Variants in NCAM1 observed in about 807,000 individuals in gnomAD.
NCAM1 encodes neural cell adhesion molecule 1.
NCAM1 carries 14 observed loss-of-function variants against 109.8 expected under a neutral mutation model. The observed-to-expected ratio is 0.13, with a 90% CI of 0.08 to 0.20. NCAM1 has a LOEUF of 0.20. Among genes scored for constraint, NCAM1 ranks in the 10% least tolerant of loss-of-function variants. NCAM1 has a pLI of 1.00. For synonymous variants in NCAM1, 418 were observed against 442.9 expected (o/e 0.94, Z 0.70); for missense variants, 774 against 1,109.9 (o/e 0.70, Z 4.30).
intron 16 of NCAM1, among the ~76,000 whole-genome samples, chr11:113,256,384 T>G (rs571321734): frequency 5.3e-5 from 8 of 152,336 alleles, no homozygotes; most frequent in African/African-American, 1.7e-4. Flanking sequence ...CACCTGCACC[T>G]CACTGTGATC....
At chr11:113,001,890 T>C (rs1951762268) in intron 1 of NCAM1, among the ~76,000 whole-genome samples, 1 of 152,168 alleles carries the variant, frequency 6.6e-6, no homozygotes, top group South Asian at 2.1e-4. Context: ...CAGTCTTTCT[T>C]TCCATCTTTT....
intron 1 of NCAM1, among the ~76,000 whole-genome samples, chr11:112,975,526 A>T (rs10750017): frequency 0.3 from 46,005 of 151,880 alleles, 7,996 homozygotes; most frequent in East Asian, 0.67. Flanking sequence ...GATAAATAAG[A>T]GTTATTTGTT....
At position 113,140,756 on chromosome 11, in the gene NCAM1, G is replaced by A. The variant is rs146429450; in HGVS notation, c.53-61623G>A. 7.2e-4 allele frequency among the ~76,000 whole-genome samples: 109 copies of A among 152,146 alleles called. No individual in the cohort carries two copies. The East Asian group carries it at 0.014, about 19-fold the overall frequency. On this transcript the variant is annotated intron_variant, in intron 1 of 19. Coordinates refer to ENST00000316851, the MANE Select transcript of NCAM1 (RefSeq NM_181351.5). ...TACTTCATTTGTAAGTAACTTTTGC[G>A]TGTTCTCCTTCCATATATGTGTATT...
At chr11:113,245,286 A>G (rs1009442285) in intron 14 of NCAM1, among the ~76,000 whole-genome samples, 1 of 152,168 alleles carries the variant, frequency 6.6e-6, no homozygotes, top group Non-Finnish European at 1.5e-5. Flanking sequence ...TACAAAAAAT[A>G]GAAAAATTAG....
chr11:113,192,171 C>T lies in NCAM1; in HGVS notation c.53-10208C>T, dbSNP rs549107880. Among the ~76,000 whole-genome samples, 10 of 152,302 alleles carry T rather than the reference C, an allele frequency of 6.6e-5. No homozygotes were observed. The East Asian group carries it at 1.9e-3, about 29-fold the overall frequency. On this transcript the variant is annotated intron_variant, in intron 1 of 19. Coordinates refer to ENST00000316851, the MANE Select transcript of NCAM1 (RefSeq NM_181351.5). ...AAAGAACATCGACGAGTCATTTTGT[C>T]AAGGTTTCAGGAGAGCAGACCAAAG...
intron 1 of NCAM1, among the ~76,000 whole-genome samples, chr11:113,023,823 G>C (rs888393704): frequency 3.0e-4 from 45 of 151,998 alleles, no homozygotes; most frequent in African/African-American, 1.0e-3. Context: ...AACCTGAAAA[G>C]GACTCTAGCA....
chr11:113,268,508 A>AC (rs1555124725), intron 17 of NCAM1, among the ~76,000 whole-genome samples: 1 of 152,170 alleles, frequency 6.6e-6, no homozygotes, highest in Non-Finnish European at 1.5e-5. Context: ...TACGAGCTGC[A>AC]CCCAGGGGTC....
chr11:113,137,295 G>C (rs2136169522), intron 1 of NCAM1, among the ~76,000 whole-genome samples: 1 of 152,340 alleles, frequency 6.6e-6, no homozygotes, highest in Admixed American at 6.5e-5. Flanking sequence ...CCAGCTGTTT[G>C]CTGACCATTA....
rs943368243 is a variant in NCAM1, at chr11:112,962,403, G to A, written c.52+739G>A. Among the ~76,000 whole-genome samples the A allele has an allele frequency of 6.6e-6, 1 of 151,992 alleles. No homozygotes were observed. Among genetic ancestry groups the A allele is most frequent in the Non-Finnish European group, 1.5e-5 (1 of 67,976 alleles). On this transcript the variant is annotated intron_variant, in intron 1 of 19. Coordinates refer to ENST00000316851, the MANE Select transcript of NCAM1 (RefSeq NM_181351.5). The surrounding 1 kb of genome is among the most constrained non-coding windows in gnomAD (Gnocchi z 5.6). ...TTGACAGGAGGAAGTGCGGAGGGGC[G>A]GAGGGCGAGGAGGGCGTGATTGGGG... is the stretch of plus-strand genomic sequence containing the variant.
intron 1 of NCAM1, among the ~76,000 whole-genome samples, chr11:113,047,295 A>G (rs944396406): frequency 4.6e-5 from 7 of 152,216 alleles, no homozygotes; most frequent in Admixed American, 4.6e-4. Context: ...TAAAATCATG[A>G]TGAAAAGTAA....
chr11:112,981,551 C>CTGAA (rs1555068770), intron 1 of NCAM1, among the ~76,000 whole-genome samples: 1 of 151,816 alleles, frequency 6.6e-6, no homozygotes, highest in East Asian at 1.9e-4. Flanking sequence ...CCATAGAATA[C>CTGAA]TGAATATCTT....
At chr11:113,220,215 G>A (rs1225084546) in intron 8 of NCAM1, among the ~76,000 whole-genome samples, 1 of 152,146 alleles carries the variant, frequency 6.6e-6, no homozygotes, top group African/African-American at 2.4e-5. Flanking sequence ...AGATGTGGGT[G>A]GAAAATCCCT....
chr11:113,055,925 G>A (rs1190520032), intron 1 of NCAM1, among the ~76,000 whole-genome samples: 1 of 138,396 alleles, frequency 7.2e-6, no homozygotes, highest in Non-Finnish European at 1.5e-5. Context: ...CAATAGTCAA[G>A]ATATGGAATG....
rs367804561 is a variant in NCAM1, at chr11:113,220,722, C to G, written c.1060-574C>G. Among the ~76,000 whole-genome samples the G allele has an allele frequency of 9.3e-5, 14 of 150,502 alleles. No homozygotes were observed. The East Asian group carries it at 2.8e-3, about 30-fold the overall frequency. On this transcript the variant is annotated intron_variant, in intron 8 of 19. Transcript: ENST00000316851. ...TCCGGGTTCACGCCATTCTCCTGCC[C>G]CAGCCTCCCGAATAGCTGGGACTAC...
In NCAM1 at chr11:112,961,548, C is replaced by T; in HGVS notation, c.-65C>T. ...CTGTCGCTCAGCCGCCGTCCACACT[C>T]GCTGCAGGGGGGGGGGCACAGAATT... is the stretch of plus-strand genomic sequence containing the variant. On this transcript the variant is annotated 5_prime_UTR_variant, in exon 1 of 20. Transcript: ENST00000316851. 3 of 1,047,898 alleles carry T rather than the reference C, an allele frequency of 2.9e-6. No individual in the cohort carries two copies. Among genetic ancestry groups the T allele is most frequent in the Non-Finnish European group, 4.5e-6 (3 of 667,756 alleles). The allele number at this position is 1,047,898 out of a possible 1,614,324, so 64.9% of individuals were successfully genotyped here.
intron 1 of NCAM1, among the ~76,000 whole-genome samples, chr11:113,042,267 T>C (rs1026694259): frequency 1.3e-5 from 2 of 152,132 alleles, no homozygotes; most frequent in African/African-American, 4.8e-5. Flanking sequence ...CACCTCCTTT[T>C]CCTTCCACTC....
intron 9 of NCAM1, among the ~76,000 whole-genome samples, chr11:113,226,524 G>A (rs1353805289): frequency 6.6e-6 from 1 of 152,164 alleles, no homozygotes; most frequent in South Asian, 2.1e-4. Flanking sequence ...AGATCCACAA[G>A]ACAGAAAGTT....
At chr11:113,005,701 ATT>A (rs1326620159) in intron 1 of NCAM1, among the ~76,000 whole-genome samples, 1 of 152,102 alleles carries the variant, frequency 6.6e-6, no homozygotes, top group East Asian at 1.9e-4. Flanking sequence ...CTATCTGCTC[ATT>A]TTACAGACTT....
chr11:112,965,282 A>C (rs768666752), intron 1 of NCAM1, among the ~76,000 whole-genome samples: 14 of 152,106 alleles, frequency 9.2e-5, no homozygotes, highest in Non-Finnish European at 1.5e-4. Flanking sequence ...AAAAAAAATG[A>C]TGTGGGTGTG....
Sources: gnomAD v4.1 joint callset for allele counts (sites outside exome capture counted in the v4.1 genomes callset) on GRCh38, gnomAD v4.1.1 for gene constraint, Gnocchi (gnomAD v3.1) non-coding constraint, MANE v1.5 for transcripts, NCBI Gene and HGNC (gene_info 2026-07-23, HGNC 2026-07-21) for gene names.